Variants in EBF3 observed in about 807,000 individuals in gnomAD.
The protein encoded by EBF3 is EBF transcription factor 3.
A neutral mutation model predicts 77.1 loss-of-function variants in EBF3; 18 were observed. The observed-to-expected ratio is 0.23, with a 90% CI of 0.16 to 0.35. EBF3 has a LOEUF of 0.35. Among genes scored for constraint, EBF3 ranks in the 10% least tolerant of loss-of-function variants. The probability of loss-of-function intolerance (pLI) is 1.00; values close to 1 mark genes in which losing one functional copy is unlikely to be tolerated. For synonymous variants in EBF3, 350 were observed against 343.5 expected (o/e 1.02, Z -0.21); for missense variants, 558 against 860.0 (o/e 0.65, Z 4.39).
Position 129,944,594 on chromosome 10 carries a change from C to T in EBF3, c.554+12664G>A, listed in dbSNP as rs1056924154. Among the ~76,000 whole-genome samples, 5 of 152,140 alleles carry T rather than the reference C, an allele frequency of 3.3e-5. No homozygotes were observed. The highest frequency in any genetic ancestry group is 7.2e-5 in the African/African-American group (3 of 41,434). ...CACTCTTAGGGTAGGCTGAAGGCAG[C>T]GTTTGGGGAGCATTTTCTTAGTGGA... is the stretch of plus-strand genomic sequence containing the variant. On this transcript the variant is annotated intron_variant, in intron 6 of 16. Transcript: ENST00000440978. This position sits in a 1 kb window ranked among gnomAD's most constrained non-coding sequence, Gnocchi z 5.1.
rs1452279459 is a variant in EBF3 at position 129,963,730 on chromosome 10, C to A, written c.39G>T (p.Thr13=). The A allele has an allele frequency of 6.5e-7, 1 of 1,535,284 alleles. No homozygotes were observed. The highest frequency in any genetic ancestry group is 1.8e-5 in the Admixed American group (1 of 55,380). ...TGCCCAGCGGCTCCTCCTTCATGGT[C>A]GTCCCCCCGCGCGGAATATTCTCCT... The part of the protein sequence containing the change: ...GIQENIPRGG[T]TMKEEPLGSG... Residue 13 remains threonine (T), a synonymous_variant, in exon 1 of 17, where the codon ACG becomes ACT. Transcript: ENST00000440978. The surrounding 1 kb of genome is among the most constrained non-coding windows in gnomAD (Gnocchi z 7.1).
At chr10:129,873,977 C>G (rs897243921) in intron 7 of EBF3, among the ~76,000 whole-genome samples, 1 of 152,160 alleles carries the variant, frequency 6.6e-6, no homozygotes, top group Non-Finnish European at 1.5e-5. Context: ...GAAAGTTTAT[C>G]TAATTAAAAT....
chr10:129,866,028 C>A (rs1851990529), intron 10 of EBF3, among the ~76,000 whole-genome samples: 1 of 152,224 alleles, frequency 6.6e-6, no homozygotes, highest in Admixed American at 6.5e-5. Flanking sequence ...TCGGTTCCAG[C>A]AGGCACTGTC....
chr10:129,932,895 CTTTTTT>C (rs35568967), intron 6 of EBF3, among the ~76,000 whole-genome samples: 5 of 126,410 alleles, frequency 4.0e-5, no homozygotes, highest in African/African-American at 6.0e-5. Context: ...CTTTTTTTTC[CTTTTTT>C]TTTTTTTTTT....
intron 14 of EBF3, 90 bp from the exon 15 acceptor site, chr10:129,840,532 C>T: frequency 2.1e-6 from 3 of 1,411,664 alleles, no homozygotes; most frequent in Non-Finnish European, 2.9e-6. Flanking sequence ...GACGGGGGGG[C>T]AGGGGCACGA....
intron 10 of EBF3, among the ~76,000 whole-genome samples, chr10:129,855,578 G>C (rs2134011487): frequency 6.6e-6 from 1 of 152,288 alleles, no homozygotes; most frequent in Admixed American, 6.5e-5. Context: ...CAAGGCGGAG[G>C]TTCTGAGGTC....
chr10:129,915,208 G>A (rs772184058), intron 6 of EBF3, among the ~76,000 whole-genome samples: 40 of 152,200 alleles, frequency 2.6e-4, no homozygotes, highest in Non-Finnish European at 5.0e-4. Flanking sequence ...GCAATGGGGC[G>A]CTGGGAACTC....
intron 6 of EBF3, among the ~76,000 whole-genome samples, chr10:129,898,661 A>C (rs943998992): frequency 9.9e-5 from 15 of 152,244 alleles, no homozygotes; most frequent in Admixed American, 1.3e-4. Context: ...GGAATCATTA[A>C]TGTGCAGTTT....
rs1857535651 is a variant in EBF3 at position 129,938,819 on chromosome 10, GA to G, written c.554+18438del. Among the ~76,000 whole-genome samples the G allele has an allele frequency of 6.6e-6, 1 of 152,158 alleles. No individual in the cohort carries two copies. The highest frequency in any genetic ancestry group is 2.4e-5 in the African/African-American group (1 of 41,444). ...TCGTGGCCCATAAAACCAACCTGGG[GA>G]AAGAGAACAGAACTTTGGGGCAGAA... is the stretch of plus-strand genomic sequence containing the variant. On this transcript the variant is annotated intron_variant, in intron 6 of 16. Transcript: ENST00000440978. This position sits in a 1 kb window ranked among gnomAD's most constrained non-coding sequence, Gnocchi z 5.1.
chr10:129,875,606 C>T (rs1039955959), intron 7 of EBF3, among the ~76,000 whole-genome samples: 1 of 152,264 alleles, frequency 6.6e-6, no homozygotes, highest in Non-Finnish European at 1.5e-5. Context: ...GGCATTTCTT[C>T]CCCTTGGCCA....
chr10:129,924,855 G>C (rs1488533278), intron 6 of EBF3, among the ~76,000 whole-genome samples: 1 of 152,070 alleles, frequency 6.6e-6, no homozygotes, highest in African/African-American at 2.4e-5. Context: ...AATTTGTGAA[G>C]ATGGAGGTCT....
intron 6 of EBF3, among the ~76,000 whole-genome samples, chr10:129,896,444 T>C (rs1281262359): frequency 2.0e-5 from 3 of 152,186 alleles, no homozygotes; most frequent in Non-Finnish European, 4.4e-5. Flanking sequence ...TCAGCCACCC[T>C]GGCCTGGCGT....
At chr10:129,905,369 G>A (rs886969843) in intron 6 of EBF3, among the ~76,000 whole-genome samples, 30 of 152,086 alleles carry the variant, frequency 2.0e-4, no homozygotes, top group African/African-American at 5.8e-4. Context: ...TATTGACTAC[G>A]TATTGAAATA....
chr10:129,848,528 A>G lies in EBF3; in HGVS notation c.1040-48T>C. On this transcript the variant is annotated intron_variant, in intron 10 of 16. Coordinates refer to ENST00000440978, the MANE Select transcript of EBF3 (RefSeq NM_001375380.1). This position sits in a 1 kb window ranked among gnomAD's most constrained non-coding sequence, Gnocchi z 4.4. Reference sequence around the variant, plus strand: ...AGATCAGGTTAATTACTTTTATGTCATCCATTACTCGTTTATTGCACACTT... The same window carrying G: ...AGATCAGGTTAATTACTTTTATGTCGTCCATTACTCGTTTATTGCACACTT... 1 of 1,588,228 alleles carries G rather than the reference A, an allele frequency of 6.3e-7. No homozygotes were observed. Among genetic ancestry groups the G allele is most frequent in the East Asian group, 2.2e-5 (1 of 44,768 alleles).
At chr10:129,910,513 T>C (rs774252870) in intron 6 of EBF3, among the ~76,000 whole-genome samples, 13 of 152,000 alleles carry the variant, frequency 8.6e-5, no homozygotes, top group Admixed American at 7.9e-4. Context: ...CGAAGAGCCA[T>C]CCCCCACCAC....
chr10:129,853,999 T>C (rs557338051), intron 10 of EBF3, among the ~76,000 whole-genome samples: 22 of 152,308 alleles, frequency 1.4e-4, no homozygotes, highest in African/African-American at 5.3e-4. Flanking sequence ...CTTTCAAAAA[T>C]GACTGTATAA....
At chr10:129,906,677 A>C (rs2134269987) in intron 6 of EBF3, among the ~76,000 whole-genome samples, 1 of 152,006 alleles carries the variant, frequency 6.6e-6, no homozygotes, top group South Asian at 2.1e-4. Flanking sequence ...GAAAACAAAA[A>C]CTTGAAAAAA....
intron 10 of EBF3, among the ~76,000 whole-genome samples, chr10:129,850,947 C>T (rs546319299): frequency 1.4e-4 from 22 of 152,344 alleles, no homozygotes; most frequent in African/African-American, 5.3e-4. Flanking sequence ...GAGCCCTCCG[C>T]ACGCAGAGTT....
At position 129,844,280 on chromosome 10, in the gene EBF3, T is replaced by C. The variant is rs78637417; in HGVS notation, c.1129-1078A>G. Among the ~76,000 whole-genome samples, 478 of 152,230 alleles carry C rather than the reference T, an allele frequency of 3.1e-3. 3 individuals carry two copies. Among genetic ancestry groups the C allele is most frequent in the African/African-American group, 1.0e-2 (414 of 41,514 alleles). On this transcript the variant is annotated intron_variant, in intron 11 of 16. Transcript: ENST00000440978. Reference sequence around the variant, plus strand: ...GGTGTGTCTACATCTGGGCACCTCTTGTTAACCTGAGACCCCAAAGGTGAC... The same window carrying C: ...GGTGTGTCTACATCTGGGCACCTCTCGTTAACCTGAGACCCCAAAGGTGAC...
Sources: allele counts gnomAD v4.1 joint callset (sites outside exome capture counted in the v4.1 genomes callset), GRCh38; gene constraint gnomAD v4.1.1; non-coding constraint Gnocchi (gnomAD v3.1); transcripts MANE v1.5; gene names NCBI Gene and HGNC (gene_info 2026-07-23, HGNC 2026-07-21).